Variants in XKR9 observed in about 807,000 individuals in gnomAD.
The protein encoded by XKR9 is XK related 9, also known as XK-related protein 9.
In XKR9, 32 loss-of-function variants were observed where a neutral mutation model predicts 32.0. The ratio of observed to expected loss-of-function variants is 1.00; its 90% CI spans 0.76 to 1.34. XKR9 has a LOEUF of 1.34. Ranked by LOEUF, XKR9 falls within the 40% of genes most tolerant of loss-of-function variation. The pLI is 0.00. For missense variants in XKR9, 546 were observed against 429.7 expected (o/e 1.27, Z -2.39); for synonymous variants, 168 against 143.4 (o/e 1.17, Z -1.22).
the XKR9 span, among the ~76,000 whole-genome samples, chr8:70,972,784 A>G: frequency 6.6e-6 from 1 of 152,134 alleles, no homozygotes; most frequent in African/African-American, 2.4e-5. Context: ...TATGAGTGTT[A>G]AACAATCCCT....
chr8:70,698,054 G>T (rs983729169), intron 3 of XKR9, among the ~76,000 whole-genome samples: 23 of 151,670 alleles, frequency 1.5e-4, no homozygotes, highest in African/African-American at 5.6e-4. Flanking sequence ...TTTTTATTTC[G>T]TCTATTTGAT....
chr8:70,679,154 A>G (rs1041331608), intron 2 of XKR9, among the ~76,000 whole-genome samples: 8 of 151,970 alleles, frequency 5.3e-5, no homozygotes, highest in East Asian at 1.9e-4. Context: ...CTCCAGTCCT[A>G]TTGCATCAGG....
the XKR9 span, among the ~76,000 whole-genome samples, chr8:70,808,104 T>A: frequency 6.6e-6 from 1 of 152,162 alleles, no homozygotes; most frequent in East Asian, 1.9e-4. Context: ...GAACTCAGCA[T>A]TAAAAAACTC....
At chr8:70,765,793 G>C (rs933793633) in intron 2 of XKR9, among the ~76,000 whole-genome samples, 1 of 152,184 alleles carries the variant, frequency 6.6e-6, no homozygotes, top group Admixed American at 6.5e-5. Flanking sequence ...TAAGGTGTAA[G>C]GAAGGGGTCC....
chr8:70,816,144 G>C, the XKR9 span, among the ~76,000 whole-genome samples: 1 of 152,018 alleles, frequency 6.6e-6, no homozygotes, highest in Admixed American at 6.6e-5. Context: ...AAATAAAACA[G>C]ACACACAGAT....
the XKR9 span, among the ~76,000 whole-genome samples, chr8:71,038,200 C>T: frequency 6.6e-5 from 10 of 152,266 alleles, no homozygotes; most frequent in African/African-American, 2.4e-4. Flanking sequence ...TCTGAGACCT[C>T]ATCCTGCTAC....
the XKR9 span, among the ~76,000 whole-genome samples, chr8:70,874,137 G>C: frequency 6.6e-6 from 1 of 152,160 alleles, no homozygotes; most frequent in Non-Finnish European, 1.5e-5. Flanking sequence ...CCACAGTATA[G>C]TGTAAACTTT....
At chr8:70,681,442 G>A in intron 3 of XKR9, 112 bp downstream of exon 3, 1 of 1,306,168 alleles carries the variant, frequency 7.7e-7, no homozygotes, top group Non-Finnish European at 1.0e-6. Context: ...TTTGCATGAA[G>A]CACAAAGGTT....
At chr8:70,989,466 CT>C in the XKR9 span, among the ~76,000 whole-genome samples, 1 of 151,946 alleles carries the variant, frequency 6.6e-6, no homozygotes, top group Non-Finnish European at 1.5e-5. Flanking sequence ...CTTCTTAAAC[CT>C]TAAAAACAAT....
the XKR9 span, among the ~76,000 whole-genome samples, chr8:70,804,344 A>G: frequency 6.6e-6 from 1 of 152,206 alleles, no homozygotes; most frequent in Non-Finnish European, 1.5e-5. Flanking sequence ...GCAATTTTAT[A>G]GTTTTAAGTT....
chr8:71,018,076 G>A, the XKR9 span, among the ~76,000 whole-genome samples: 1 of 152,118 alleles, frequency 6.6e-6, no homozygotes, highest in South Asian at 2.1e-4. Flanking sequence ...GAATAGATAA[G>A]TTACCCATAT....
chr8:70,994,201 T>C, the XKR9 span, among the ~76,000 whole-genome samples: 1 of 152,188 alleles, frequency 6.6e-6, no homozygotes, highest in Non-Finnish European at 1.5e-5. Context: ...CTTTCCCTGA[T>C]ACCCTTGTTT....
intron 2 of XKR9, among the ~76,000 whole-genome samples, chr8:70,771,833 G>C (rs1807457884): frequency 6.6e-6 from 1 of 152,116 alleles, no homozygotes; most frequent in Non-Finnish European, 1.5e-5. Context: ...ATCCAATCCT[G>C]TTGTAGCATG....
At chr8:71,062,503 G>T in the XKR9 span, among the ~76,000 whole-genome samples, 2 of 152,104 alleles carry the variant, frequency 1.3e-5, no homozygotes, top group African/African-American at 2.4e-5. Context: ...TACCTTGCGG[G>T]TTGAGATTTC....
At chr8:70,891,406 CTTT>C in the XKR9 span, among the ~76,000 whole-genome samples, 1 of 151,908 alleles carries the variant, frequency 6.6e-6, no homozygotes, top group African/African-American at 2.4e-5. Context: ...AATATTTCTA[CTTT>C]TTTGATGTAG....
chr8:71,045,097 A>C, the XKR9 span, among the ~76,000 whole-genome samples: 2 of 152,160 alleles, frequency 1.3e-5, no homozygotes, highest in African/African-American at 4.8e-5. Context: ...AGGAGGAGTA[A>C]ATATAGTTTT....
intron 4 of XKR9, among the ~76,000 whole-genome samples, chr8:70,708,850 T>A (rs1039878470): frequency 6.6e-6 from 1 of 152,118 alleles, no homozygotes; most frequent in Non-Finnish European, 1.5e-5. Context: ...GATGGCTTCA[T>A]AGCTGAATAC....
chr8:70,962,614 G>A, the XKR9 span, among the ~76,000 whole-genome samples: 1,463 of 152,180 alleles, frequency 9.6e-3, 22 homozygotes, highest in African/African-American at 0.034. Context: ...ACCACTGATG[G>A]GCACCTACGT....
the XKR9 span, among the ~76,000 whole-genome samples, chr8:70,947,012 G>A: frequency 1.3e-5 from 2 of 152,128 alleles, no homozygotes; most frequent in African/African-American, 4.8e-5. Context: ...CAGTGTGCAG[G>A]TGCTAGAAAT....
Sources: gnomAD v4.1 joint callset for allele counts (sites outside exome capture counted in the v4.1 genomes callset) on GRCh38, gnomAD v4.1.1 for gene constraint, MANE v1.5 for transcripts, NCBI Gene and HGNC (gene_info 2026-07-23, HGNC 2026-07-21) for gene names.